RSPO1: variants seen among roughly 807,000 people sequenced by gnomAD.
RSPO1 encodes the protein R-spondin-1.
RSPO1 carries 18 observed loss-of-function variants against 26.0 expected under a neutral mutation model. The observed-to-expected ratio is 0.69, with a 90% CI of 0.48 to 1.03. The LOEUF is 1.03. Among genes scored for constraint, RSPO1 ranks in the 50% least tolerant of loss-of-function variants. The pLI is 0.00. For synonymous variants in RSPO1, 133 were observed against 137.4 expected, an observed-to-expected ratio of 0.97 and a Z score of 0.22; for missense variants, 309 against 352.3, an observed-to-expected ratio of 0.88 and a Z score of 0.98.
chr1:37,634,077 C>G lies in RSPO1; in HGVS notation c.-356+489G>C, dbSNP rs1397736302. Among the ~76,000 whole-genome samples, 3 of 152,212 alleles carry G rather than the reference C, an allele frequency of 2.0e-5. No homozygotes were observed. The highest frequency in any genetic ancestry group is 2.0e-4 in the Admixed American group (3 of 15,292). ...GTTCCTGAGCGCCAGACCCCGAGGG[C>G]CAGGGAGCCGCGCCACTTCGCTGCG... On this transcript the variant is annotated intron_variant, in intron 1 of 6. Transcript: ENST00000356545. This position sits in a 1 kb window ranked among gnomAD's most constrained non-coding sequence, Gnocchi z 4.7.
chr1:37,612,971 C>T (rs1187250731), intron 6 of RSPO1, 50 bp from the exon 7 acceptor site: 4 of 1,602,930 alleles, frequency 2.5e-6, no homozygotes, highest in Non-Finnish European at 3.4e-6. Flanking sequence ...TGCAGGGAGG[C>T]CCTGGGCATG....
At chr1:37,626,202 C>G (rs1456766806) in intron 3 of RSPO1, among the ~76,000 whole-genome samples, 1 of 152,128 alleles carries the variant, frequency 6.6e-6, no homozygotes, top group African/African-American at 2.4e-5. Context: ...AACCCGACCT[C>G]TACCCTGCAG....
In RSPO1 at chr1:37,633,173, T is replaced by C. The variant is rs560940031; in HGVS notation, c.-355-820A>G. 3.3e-5 allele frequency among the ~76,000 whole-genome samples: 5 copies of C among 152,382 alleles called. No homozygotes were observed. The East Asian group carries it at 9.6e-4, about 29-fold the overall frequency. On this transcript the variant is annotated intron_variant, in intron 1 of 6. Coordinates refer to ENST00000356545, the MANE Select transcript of RSPO1 (RefSeq NM_001242908.2). ...TTTCCATTTTACAGGGGAAGAGACC[T>C]GGCCCTGAATGGTTAAGTGTCCCAG...
At chr1:37,624,615 G>C (rs1183689321) in intron 3 of RSPO1, among the ~76,000 whole-genome samples, 4 of 152,182 alleles carry the variant, frequency 2.6e-5, no homozygotes, top group Non-Finnish European at 2.9e-5. Flanking sequence ...CTGTGGCTAT[G>C]ATGAGGCACT....
chr1:37,627,250 A>G (rs72659428), intron 3 of RSPO1, among the ~76,000 whole-genome samples: 6,226 of 152,058 alleles, frequency 0.041, 178 homozygotes, highest in Non-Finnish European at 0.063. Context: ...TGTCTTATCG[A>G]GAGGCCAGGC....
intron 3 of RSPO1, among the ~76,000 whole-genome samples, chr1:37,620,946 C>T (rs900431311): frequency 6.6e-6 from 1 of 152,140 alleles, no homozygotes; most frequent in Non-Finnish European, 1.5e-5. Flanking sequence ...GCAGTGATCC[C>T]GGCATCCCAT....
intron 4 of RSPO1, among the ~76,000 whole-genome samples, chr1:37,615,004 T>C (rs553692053): frequency 6.6e-6 from 1 of 152,260 alleles, no homozygotes; most frequent in South Asian, 2.1e-4. Context: ...GGGTGGGTCT[T>C]CCAGGGCTTG....
At position 37,612,764 on chromosome 1, in the gene RSPO1, C is replaced by T. The variant is rs1252760886; in HGVS notation, c.783G>A (p.Gly261=). Residue 261 remains glycine, a synonymous_variant, in exon 7 of 7, where the codon GGG becomes GGA. Coordinates refer to ENST00000356545, the MANE Select transcript of RSPO1 (RefSeq NM_001242908.2). ...QGTVGPLTSA[G]PA is the part of the protein sequence containing the mutation. ...AGGCTGGACAGTGTCCCTAGGCAGG[C>T]CCTGCAGATGTGAGTGGCCCCACTG... 6.2e-7 allele frequency: 1 copy of T among 1,610,946 alleles called. No homozygotes were observed. The highest frequency in any genetic ancestry group is 1.1e-5 in the South Asian group (1 of 91,080).
chr1:37,620,205 T>C (rs1010075714), intron 3 of RSPO1, among the ~76,000 whole-genome samples: 2 of 152,210 alleles, frequency 1.3e-5, no homozygotes, highest in African/African-American at 4.8e-5. Flanking sequence ...GGTTAGACTA[T>C]ATATTTTTGG....
chr1:37,633,988 C>A (rs1570133954), intron 1 of RSPO1, among the ~76,000 whole-genome samples: 1 of 152,332 alleles, frequency 6.6e-6, no homozygotes, highest in East Asian at 1.9e-4. Context: ...AAGTCTGTCC[C>A]GGCCCTCCAG....
intron 4 of RSPO1, 133 bp from the exon 5 acceptor site, chr1:37,614,466 G>A (rs1644080814): frequency 2.1e-6 from 2 of 955,012 alleles, no homozygotes; most frequent in African/African-American, 1.6e-5. Flanking sequence ...AGAGCTGCAG[G>A]TACTGCAGAG....
At position 37,611,838 on chromosome 1, in the gene RSPO1, C is replaced by G. The variant is rs1376181565; in HGVS notation, c.*917G>C. 1 of 153,000 alleles carries G rather than the reference C, an allele frequency of 6.5e-6. No homozygotes were observed. The highest frequency in any genetic ancestry group is 1.5e-5 in the Non-Finnish European group (1 of 68,580). 9.5% of individuals were successfully genotyped at this position (153,000 alleles called of 1,614,324 possible). On this transcript the variant is annotated 3_prime_UTR_variant, in exon 7 of 7. Coordinates refer to ENST00000356545, the MANE Select transcript of RSPO1 (RefSeq NM_001242908.2). ...GCACTTCTCAAATTTGGGTAACATG[C>G]CAATCATCAGGAATCTTAAAATTTA...
chr1:37,633,740 G>C (rs903910016), intron 1 of RSPO1, among the ~76,000 whole-genome samples: 17 of 152,146 alleles, frequency 1.1e-4, no homozygotes, highest in Non-Finnish European at 2.4e-4. Flanking sequence ...CAGGTGCTGG[G>C]GCCGTGCCCC....
At chr1:37,617,686 AAAAG>A (rs1557432173) in intron 3 of RSPO1, among the ~76,000 whole-genome samples, 10 of 151,212 alleles carry the variant, frequency 6.6e-5, no homozygotes, top group African/African-American at 2.4e-4. Flanking sequence ...AAAAAAAAAA[AAAAG>A]AGAGAACCAT....
Position 37,617,661 on chromosome 1 carries a change from C to CAAAAAAAAA in RSPO1, c.95-995_95-987dup, listed in dbSNP as rs34856591. 9.6e-4 allele frequency among the ~76,000 whole-genome samples: 35 copies of CAAAAAAAAA among 36,372 alleles called. 3 individuals carry two copies. The highest frequency in any genetic ancestry group is 3.4e-3 in the African/African-American group (29 of 8,612). The allele number at this position is 36,372 out of a possible 152,430, so 23.9% of individuals were successfully genotyped here. ...CGGATGACAGAGCAAGACTCCATCT[C>CAAAAAAAAA]AAAAAAAAAAAAAAAAAAAAAAAAA... On this transcript the variant is annotated intron_variant, in intron 3 of 6. Transcript: ENST00000356545.
intron 1 of RSPO1, among the ~76,000 whole-genome samples, chr1:37,633,029 G>A (rs1453230028): frequency 6.6e-6 from 1 of 152,220 alleles, no homozygotes; most frequent in Non-Finnish European, 1.5e-5. Flanking sequence ...GGGTAAGAAA[G>A]GGCATTTCTC....
intron 3 of RSPO1, among the ~76,000 whole-genome samples, chr1:37,618,858 T>C (rs891501732): frequency 1.3e-5 from 2 of 151,230 alleles, no homozygotes; most frequent in Admixed American, 1.3e-4. Context: ...GGGAGTGGAG[T>C]GGTGAAAGTT....
rs769753826 is a variant in RSPO1 at position 37,612,822 on chromosome 1, C to T, written c.725G>A (p.Arg242His). ...CTGCTGCTGCTGTTGCTGCCCCTTG[C>T]GTCTTCGAGAGCCAGCACCCGCCTC... ...SKEAGAGSRR[R>H]KGQQQQQQQG... Residue 242 changes from arginine (R) to histidine (H), a missense_variant, in exon 7 of 7, where the codon CGC becomes CAC. By Grantham distance (29) the Arg-to-His change is conservative. Transcript: ENST00000356545. 17 of 1,613,594 alleles carry T rather than the reference C, an allele frequency of 1.1e-5. No homozygotes were observed. Among genetic ancestry groups the T allele is most frequent in the South Asian group, 5.5e-5 (5 of 91,088 alleles).
chr1:37,616,432 C>A (rs889405343), intron 4 of RSPO1, 52 bp downstream of exon 4: 94 of 1,559,144 alleles, frequency 6.0e-5, no homozygotes, highest in Non-Finnish European at 7.9e-5. Flanking sequence ...CACTCTCCCC[C>A]AGTCCAGAGC....
Sources: gnomAD v4.1 joint callset for allele counts (sites outside exome capture counted in the v4.1 genomes callset) on GRCh38, gnomAD v4.1.1 for gene constraint, Gnocchi (gnomAD v3.1) non-coding constraint, MANE v1.5 for transcripts, NCBI Gene and HGNC (gene_info 2026-07-23, HGNC 2026-07-21) for gene names.